Variants in BEND6 observed in about 807,000 individuals in gnomAD.
BEND6 encodes the protein BEN domain-containing protein 6.
Under a neutral mutation model 31.8 loss-of-function variants are expected in BEND6, and 24 were observed. The observed-to-expected ratio is 0.75, with a 90% CI of 0.55 to 1.06. BEND6 has a LOEUF of 1.06. Ranked by LOEUF, BEND6 falls within the 50% of genes least tolerant of loss-of-function variation. The probability of loss-of-function intolerance (pLI) is 0.00; values close to 1 mark genes in which losing one functional copy is unlikely to be tolerated. For synonymous variants in BEND6, 109 were observed against 114.6 expected, an observed-to-expected ratio of 0.95 and a Z score of 0.31; for missense variants, 294 against 327.4, an observed-to-expected ratio of 0.90 and a Z score of 0.79.
rs557955327 is a variant in BEND6, at chr6:57,008,311, C to G, written c.299-6822C>G. On this transcript the variant is annotated intron_variant, in intron 3 of 6. Transcript: ENST00000370746. ...ACTGTCTCTATTATTTTGGCTTGCT[C>G]CAGGTTGGGCAGAAGCCCATGCAAG... 130 of 694,636 alleles carry G rather than the reference C, an allele frequency of 1.9e-4. 4 individuals carry two copies. Among genetic ancestry groups the G allele is most frequent in the South Asian group, 1.8e-3 (115 of 65,662 alleles). The allele number at this position is 694,636 out of a possible 1,614,324, so 43.0% of individuals were successfully genotyped here.
intron 2 of BEND6, among the ~76,000 whole-genome samples, chr6:56,991,900 AT>A (rs1826517215): frequency 6.6e-6 from 1 of 152,108 alleles, no homozygotes. Flanking sequence ...TATGTTATGA[AT>A]TGTTTGTAGC....
intron 3 of BEND6, among the ~76,000 whole-genome samples, chr6:57,000,391 G>T (rs1227059658): frequency 1.3e-5 from 2 of 152,058 alleles, no homozygotes; most frequent in Non-Finnish European, 2.9e-5. Context: ...AAGGCAGCAT[G>T]CTCATTAAGA....
At chr6:57,005,853 G>T (rs1827140544) in intron 3 of BEND6, among the ~76,000 whole-genome samples, 1 of 151,914 alleles carries the variant, frequency 6.6e-6, no homozygotes, top group African/African-American at 2.4e-5. Flanking sequence ...GAATAAACCG[G>T]CAAGATAATT....
intron 3 of BEND6, among the ~76,000 whole-genome samples, chr6:57,012,909 A>G (rs961724898): frequency 1.2e-4 from 18 of 152,062 alleles, no homozygotes; most frequent in African/African-American, 4.4e-4. Flanking sequence ...AGAAGGTGCT[A>G]TTCCTGTGCC....
rs1329194163 is a variant in BEND6, at chr6:57,017,191, TTTC to T, written c.520-13_520-11del. ...CACTTTCTTTTTCCAACTTCAACTC[TTTC>T]TTATCTTTTTAGTTCCAGATTGAAA... On this transcript the variant is annotated splice_polypyrimidine_tract_variant and intron_variant, in intron 4 of 6. Coordinates refer to ENST00000370746, the MANE Select transcript of BEND6 (RefSeq NM_152731.3). The T allele has an allele frequency of 6.4e-7, 1 of 1,564,922 alleles. No homozygotes were observed. The highest frequency in any genetic ancestry group is 1.4e-5 in the African/African-American group (1 of 71,820).
Position 57,027,246 on chromosome 6 carries a change from T to A in BEND6, c.*1174T>A, listed in dbSNP as rs1341753978. 1 of 152,212 alleles carries A rather than the reference T, an allele frequency of 6.6e-6. No individual in the cohort carries two copies. Among genetic ancestry groups the A allele is most frequent in the African/African-American group, 2.4e-5 (1 of 41,468 alleles). The allele number at this position is 152,212 out of a possible 1,614,324, so 9.4% of individuals were successfully genotyped here. A position where few individuals can be genotyped will look rare whatever the true frequency, so the allele number is the denominator to read the frequency against. On this transcript the variant is annotated 3_prime_UTR_variant, in exon 7 of 7. Coordinates refer to ENST00000370746, the MANE Select transcript of BEND6 (RefSeq NM_152731.3). ...GAAATTTTCCATAAGTCTTGCTTGA[T>A]AACAATGTGATTGTACAAAATAAAT...
chr6:57,023,443 T>A lies in BEND6; in HGVS notation c.*10-2639T>A, dbSNP rs1379313885. The stretch of plus-strand genomic sequence containing the variant: ...TTACCTGATATAACTACTTCTGCTC[T>A]TTTTTGGTTCCCAGTTGCATCACGT... On this transcript the variant is annotated intron_variant, in intron 6 of 6. Coordinates refer to ENST00000370746, the MANE Select transcript of BEND6 (RefSeq NM_152731.3). 3.9e-5 allele frequency among the ~76,000 whole-genome samples: 6 copies of A among 152,346 alleles called. 1 individual carries two copies. Among genetic ancestry groups the A allele is most frequent in the African/African-American group, 1.4e-4 (6 of 41,566 alleles).
Position 56,981,739 on chromosome 6 carries a change from A to AT in BEND6, c.-72_-71insT. On this transcript the variant is annotated 5_prime_UTR_variant, in exon 2 of 7. It adds an upstream start codon to the 5' untranslated region. Coordinates refer to ENST00000370746, the MANE Select transcript of BEND6 (RefSeq NM_152731.3). ...AAGCATTAACTTTTGAGCTACGTCC[A>AT]GAATAGCATCATCTTCATGGGTATT... is the stretch of plus-strand genomic sequence containing the variant. 6.4e-7 allele frequency: 1 copy of AT among 1,551,044 alleles called. No homozygotes were observed. The highest frequency in any genetic ancestry group is 8.7e-7 in the Non-Finnish European group (1 of 1,143,752).
rs1411142045 is a variant in BEND6, at chr6:57,015,173, T to G, written c.339T>G (p.Gly113=). 71 of 1,614,036 alleles carry G rather than the reference T, an allele frequency of 4.4e-5. 1 individual carries two copies. The East Asian group carries it at 1.6e-3, about 36-fold the overall frequency. ...QAVTQFEELV[G]MAEALLKGGG... is the part of the protein sequence containing the mutation. ...TCACCCAGTTTGAAGAATTGGTTGG[T>G]ATGGCCGAGGCTCTGCTTAAGGGTG... Residue 113 remains glycine (G), a synonymous_variant, in exon 4 of 7, where the codon GGT becomes GGG. Coordinates refer to ENST00000370746, the MANE Select transcript of BEND6 (RefSeq NM_152731.3).
intron 3 of BEND6, among the ~76,000 whole-genome samples, chr6:57,012,788 T>C (rs1827391574): frequency 1.3e-5 from 2 of 152,214 alleles, no homozygotes; most frequent in African/African-American, 4.8e-5. Context: ...AATGAACATG[T>C]ACAAACATAA....
intron 3 of BEND6, among the ~76,000 whole-genome samples, chr6:56,996,084 T>C (rs1051590299): frequency 1.3e-5 from 2 of 152,188 alleles, no homozygotes; most frequent in Non-Finnish European, 2.9e-5. Flanking sequence ...CCTGGCTCAG[T>C]ACTAGGACTT....
chr6:56,989,530 T>G (rs536741142), intron 2 of BEND6, among the ~76,000 whole-genome samples: 3 of 152,218 alleles, frequency 2.0e-5, no homozygotes, highest in Non-Finnish European at 4.4e-5. Flanking sequence ...CAAGATAATG[T>G]CAAATGCTTT....
At chr6:56,981,273 C>A (rs561850161) in intron 1 of BEND6, among the ~76,000 whole-genome samples, 2 of 152,062 alleles carry the variant, frequency 1.3e-5, no homozygotes, top group Non-Finnish European at 1.5e-5. Context: ...GAAAAAAAAC[C>A]TTTTAAGAAA....
chr6:57,025,682 AC>A (rs1827878846), intron 6 of BEND6, among the ~76,000 whole-genome samples: 1 of 152,190 alleles, frequency 6.6e-6, no homozygotes, highest in Non-Finnish European at 1.5e-5. Flanking sequence ...CAGTGTAGAA[AC>A]TGAGTCAGGA....
chr6:56,982,065 T>C, intron 2 of BEND6, 135 bp downstream of exon 2: 1 of 1,087,368 alleles, frequency 9.2e-7, no homozygotes, highest in Non-Finnish European at 1.3e-6. Context: ...ATGGAGAAAA[T>C]ATAATCTTAT....
chr6:56,981,913 G>A lies in BEND6; in HGVS notation c.103G>A (p.Asp35Asn), dbSNP rs1826086037. 1.2e-6 allele frequency: 2 copies of A among 1,611,294 alleles called. No individual in the cohort carries two copies. ...ETMDSENANS[D>N]MDKGQRDPYS... ...AATGGACTCAGAAAATGCAAATAGTGACATGGATAAAGGACAGGTTGGTTT... is the reference window on the plus strand; with the variant it reads ...AATGGACTCAGAAAATGCAAATAGTAACATGGATAAAGGACAGGTTGGTTT... Residue 35 changes from aspartate to asparagine, a missense_variant, in exon 2 of 7, where the codon GAC becomes AAC. By Grantham distance (23) the Asp-to-Asn change is conservative (BLOSUM62 1). Transcript: ENST00000370746.
chr6:56,981,883 G>A lies in BEND6; in HGVS notation c.73G>A (p.Glu25Lys). ...AFRKGKRKRT[E>K]TMDSENANSD... ...TAGAAAAGGAAAGAGGAAAAGAACA[G>A]AGACAATGGACTCAGAAAATGCAAA... The change falls in exon 2 of 7, where the codon GAG (glutamate) becomes AAG (lysine). Residue 25 changes from glutamate (E) to lysine (K), a missense_variant. Transcript: ENST00000370746. 5 of 1,613,082 alleles carry A rather than the reference G, an allele frequency of 3.1e-6. No individual in the cohort carries two copies. The highest frequency in any genetic ancestry group is 4.2e-6 in the Non-Finnish European group (5 of 1,179,496).
chr6:57,020,290 T>C (rs1275067051), intron 6 of BEND6, among the ~76,000 whole-genome samples: 2 of 151,962 alleles, frequency 1.3e-5, no homozygotes, highest in Non-Finnish European at 2.9e-5. Flanking sequence ...TTTTTTTTTT[T>C]TTTTGAAACA....
At chr6:56,998,897 T>C (rs559066017) in intron 3 of BEND6, among the ~76,000 whole-genome samples, 27 of 152,260 alleles carry the variant, frequency 1.8e-4, no homozygotes, top group African/African-American at 6.5e-4. Flanking sequence ...GCATCTGACA[T>C]GGGGTTAATA....
Sources: gnomAD v4.1 joint callset for allele counts (sites outside exome capture counted in the v4.1 genomes callset) on GRCh38, gnomAD v4.1.1 for gene constraint, MANE v1.5 for transcripts, NCBI Gene and HGNC (gene_info 2026-07-23, HGNC 2026-07-21) for gene names.